The following SMTNL2 variants were observed in gnomAD, a reference collection of about 807,000 sequenced individuals.
SMTNL2 encodes the protein smoothelin-like protein 2.
In SMTNL2, 43 loss-of-function variants were observed where a neutral mutation model predicts 44.1. The observed-to-expected ratio is 0.98, with a 90% CI of 0.76 to 1.26. The LOEUF is 1.26. Among genes scored for constraint, SMTNL2 ranks in the 50% most tolerant of loss-of-function variants. SMTNL2 has a pLI of 0.00. For missense variants in SMTNL2, 646 were observed against 670.2 expected (o/e 0.96, Z 0.40); for synonymous variants, 317 against 287.6 (o/e 1.10, Z -1.03).
chr17:4,593,993 C>T, intron 4 of SMTNL2, 96 bp downstream of exon 4: 2 of 1,342,458 alleles, frequency 1.5e-6, no homozygotes, highest in African/African-American at 1.4e-5. Flanking sequence ...GGGGTTGGTG[C>T]CTCCTGGTAA....
intron 7 of SMTNL2, among the ~76,000 whole-genome samples, chr17:4,602,647 G>A (rs912527992): frequency 6.6e-6 from 1 of 152,012 alleles, no homozygotes; most frequent in African/African-American, 2.4e-5. Flanking sequence ...TAGTAGAGAC[G>A]GGGTTTTGCC....
intron 7 of SMTNL2, among the ~76,000 whole-genome samples, chr17:4,605,718 C>G (rs752913299): frequency 2.6e-4 from 39 of 152,294 alleles, no homozygotes; most frequent in Admixed American, 5.2e-4. Flanking sequence ...CAAAAGTACA[C>G]ACAGCTGCTG....
intron 7 of SMTNL2, among the ~76,000 whole-genome samples, chr17:4,602,472 G>T: frequency 1.3e-5 from 2 of 152,016 alleles, no homozygotes; most frequent in East Asian, 3.9e-4. Flanking sequence ...ACAGGCATGC[G>T]CCACCATGCC....
chr17:4,599,126 C>G (rs909526787), intron 7 of SMTNL2, among the ~76,000 whole-genome samples: 5 of 152,222 alleles, frequency 3.3e-5, no homozygotes, highest in African/African-American at 1.2e-4. Context: ...AGCTCCTTAG[C>G]CTGAGTTTTT....
In SMTNL2 at chr17:4,596,989, C is replaced by A. The variant is rs1461008713; in HGVS notation, c.1107+12C>A. 2.0e-6 allele frequency: 3 copies of A among 1,491,604 alleles called. No homozygotes were observed. Among genetic ancestry groups the A allele is most frequent in the Middle Eastern group, 3.8e-4 (2 of 5,284 alleles). The allele number at this position is 1,491,604 out of a possible 1,614,324, so 92.4% of individuals were successfully genotyped here. On this transcript the variant is annotated intron_variant, in intron 6 of 7. Coordinates refer to ENST00000389313, the MANE Select transcript of SMTNL2 (RefSeq NM_001114974.2). ...CGCTGGGCTACCAGGTGAGCCCCGG[C>A]TCCCCTCCGGCTGCTGGGACGCCCC...
chr17:4,607,430 C>T lies in SMTNL2; in HGVS notation c.1329C>T (p.Pro443=). The T allele has an allele frequency of 4.3e-6, 7 of 1,614,242 alleles. No homozygotes were observed. Among genetic ancestry groups the T allele is most frequent in the Non-Finnish European group, 5.1e-6 (6 of 1,180,052 alleles). The change falls in exon 8 of 8, where the codon CCC becomes CCT. Residue 443 remains proline, a synonymous_variant. Transcript: ENST00000389313. The surrounding 1 kb of genome is among the most constrained non-coding windows in gnomAD (Gnocchi z 4.7). ...DMMVMGRKPD[P]MCVFTYVQSL... is the part of the protein sequence containing the mutation. ...TGGTGATGGGCCGCAAGCCGGACCC[C>T]ATGTGTGTCTTCACCTACGTCCAGT... is the stretch of plus-strand genomic sequence containing the variant.
rs544464457 is a variant in SMTNL2, at chr17:4,589,451, C to T, written c.400-2910C>T. The stretch of plus-strand genomic sequence containing the variant: ...CCCCTGCCGACATGGTCTACACGGC[C>T]GCAGCGTGGCTCTAGGGGCACCCGT... On this transcript the variant is annotated intron_variant, in intron 1 of 7. Transcript: ENST00000389313. Among the ~76,000 whole-genome samples the T allele has an allele frequency of 2.1e-4, 32 of 152,222 alleles. No individual in the cohort carries two copies. In the East Asian group the frequency reaches 2.1e-3, roughly 10 times the overall value.
Position 4,598,036 on chromosome 17 carries a change from C to T in SMTNL2, c.1259+713C>T, listed in dbSNP as rs541115935. Among the ~76,000 whole-genome samples the T allele has an allele frequency of 1.1e-4, 17 of 152,264 alleles. No individual in the cohort carries two copies. The highest frequency in any genetic ancestry group is 2.1e-4 in the Non-Finnish European group (14 of 68,022). ...TTAATAAAGGGACCCTTTACAAAGG[C>T]GTGGGCAGGAATGAGGTCGTGGGTC... is the stretch of plus-strand genomic sequence containing the variant. On this transcript the variant is annotated intron_variant, in intron 7 of 7. Coordinates refer to ENST00000389313, the MANE Select transcript of SMTNL2 (RefSeq NM_001114974.2). The surrounding 1 kb of genome is among the most constrained non-coding windows in gnomAD (Gnocchi z 4.8).
At chr17:4,605,786 C>G (rs1162646900) in intron 7 of SMTNL2, among the ~76,000 whole-genome samples, 1 of 152,022 alleles carries the variant, frequency 6.6e-6, no homozygotes, top group Admixed American at 6.5e-5. Flanking sequence ...TTGGTTCTGC[C>G]TGATAATGTC....
At position 4,598,857 on chromosome 17, in the gene SMTNL2, G is replaced by A. The variant is rs1597415633; in HGVS notation, c.1259+1534G>A. Among the ~76,000 whole-genome samples the A allele has an allele frequency of 6.6e-6, 1 of 150,590 alleles. No individual in the cohort carries two copies. The highest frequency in any genetic ancestry group is 1.5e-5 in the Non-Finnish European group (1 of 67,820). ...AAAAAAAAGTGGTCCTCATGGGCTT[G>A]TTGGGTTAAAGGAGCCTCACCCCAG... On this transcript the variant is annotated intron_variant, in intron 7 of 7. Coordinates refer to ENST00000389313, the MANE Select transcript of SMTNL2 (RefSeq NM_001114974.2). The surrounding 1 kb of genome is among the most constrained non-coding windows in gnomAD (Gnocchi z 4.8).
At chr17:4,603,992 A>G (rs530593409) in intron 7 of SMTNL2, among the ~76,000 whole-genome samples, 5 of 152,114 alleles carry the variant, frequency 3.3e-5, no homozygotes, top group South Asian at 2.1e-4. Flanking sequence ...CTGCAGGCAT[A>G]CGCCACCACA....
intron 1 of SMTNL2, among the ~76,000 whole-genome samples, chr17:4,590,638 G>A (rs920066632): frequency 6.6e-6 from 1 of 152,060 alleles, no homozygotes; most frequent in Non-Finnish European, 1.5e-5. Context: ...CTTGGGAGAG[G>A]CTTGGCACCC....
intron 3 of SMTNL2, among the ~76,000 whole-genome samples, chr17:4,593,418 C>T (rs1467912359): frequency 6.6e-6 from 1 of 152,234 alleles, no homozygotes; most frequent in Non-Finnish European, 1.5e-5. Flanking sequence ...GGAAGGTGGC[C>T]TCTTGCCCTG....
At chr17:4,594,882 G>T (rs1008058367) in intron 4 of SMTNL2, among the ~76,000 whole-genome samples, 3 of 152,142 alleles carry the variant, frequency 2.0e-5, no homozygotes, top group Non-Finnish European at 4.4e-5. Flanking sequence ...GTCCTCCCCA[G>T]GCATTGACAC....
rs1909993348 is a variant in SMTNL2 at position 4,600,681 on chromosome 17, G to A, written c.1259+3358G>A. 6.6e-6 allele frequency among the ~76,000 whole-genome samples: 1 copy of A among 152,164 alleles called. No individual in the cohort carries two copies. Among genetic ancestry groups the A allele is most frequent in the Non-Finnish European group, 1.5e-5 (1 of 68,024 alleles). ...CTTGCCTGACAGGTGTTCAGGGTCT[G>A]GAACGAGGGAGGACCGGCCCCTTTT... On this transcript the variant is annotated intron_variant, in intron 7 of 7. Transcript: ENST00000389313. The surrounding 1 kb of genome is among the most constrained non-coding windows in gnomAD (Gnocchi z 4.7).
Position 4,584,907 on chromosome 17 carries a change from GC to G in SMTNL2, c.308del (p.Pro103ArgfsTer43). ...SPVPGTPGTP[S>X]PPPAPGVPDR... is the part of the protein sequence containing the mutation. ...GTGCCCGGCACTCCCGGCACGCCCA[GC>G]CCCCCGCCCGCGCCCGGGGTTCCCG... On this transcript the variant is annotated frameshift_variant, in exon 1 of 8. Coordinates refer to ENST00000389313, the MANE Select transcript of SMTNL2 (RefSeq NM_001114974.2). LOFTEE classifies it high-confidence loss of function. 7 of 1,292,392 alleles carry G rather than the reference GC, an allele frequency of 5.4e-6. No homozygotes were observed. Among genetic ancestry groups the G allele is most frequent in the East Asian group, 3.3e-5 (1 of 30,662 alleles). 80.1% of individuals were successfully genotyped at this position (1,292,392 alleles called of 1,614,324 possible).
At chr17:4,586,460 A>T (rs1036359234) in intron 1 of SMTNL2, among the ~76,000 whole-genome samples, 22 of 131,762 alleles carry the variant, frequency 1.7e-4, no homozygotes, top group South Asian at 2.2e-4. Flanking sequence ...TGTCCAAATT[A>T]AAAAAAAAAA....
chr17:4,588,070 G>A (rs1204478206), intron 1 of SMTNL2, among the ~76,000 whole-genome samples: 1 of 152,242 alleles, frequency 6.6e-6, no homozygotes, highest in East Asian at 1.9e-4. Flanking sequence ...TCCTTTCCCA[G>A]ACACACTGTG....
intron 6 of SMTNL2, 78 bp downstream of exon 6, chr17:4,597,055 C>A: frequency 6.7e-7 from 1 of 1,491,086 alleles, no homozygotes; most frequent in Middle Eastern, 1.9e-4. Flanking sequence ...TCCTTGTTCT[C>A]CCGCCTGGGC....
Sources: allele counts gnomAD v4.1 joint callset (sites outside exome capture counted in the v4.1 genomes callset), GRCh38; gene constraint gnomAD v4.1.1; non-coding constraint Gnocchi (gnomAD v3.1); transcripts MANE v1.5; gene names NCBI Gene and HGNC (gene_info 2026-07-23, HGNC 2026-07-21).